CCDC40: variants seen among roughly 807,000 people sequenced by gnomAD.
The protein encoded by CCDC40 is coiled-coil domain-containing protein 40.
Under a neutral mutation model 124.5 loss-of-function variants are expected in CCDC40, and 104 were observed. The observed-to-expected ratio is 0.84, with a 90% confidence interval of 0.71 to 0.98. The LOEUF is 0.98. CCDC40 is among the 50% of genes least tolerant of loss of function. The probability of loss-of-function intolerance (pLI) is 0.00; values close to 1 mark genes in which losing one functional copy is unlikely to be tolerated. For synonymous variants in CCDC40, 580 were observed against 602.9 expected (o/e 0.96, Z 0.56); for missense variants, 1,463 against 1,503.9 (o/e 0.97, Z 0.45).
intron 19 of CCDC40, chr17:80,098,081 G>T (rs913028213): frequency 7.0e-5 from 11 of 158,062 alleles, no homozygotes; most frequent in African/African-American, 2.7e-4. Context: ...GGAAGGCCCT[G>T]CGGAGCAGAC....
At chr17:80,037,688 A>AAAAATATATATATAT in intron 1 of CCDC40, among the ~76,000 whole-genome samples, 2 of 45,678 alleles carry the variant, frequency 4.4e-5, no homozygotes, top group African/African-American at 1.2e-4. Context: ...TTTTTTAAAA[A>AAAAATATATATATAT]AGATATACAT....
chr17:80,041,053 A>C (rs80307488), intron 3 of CCDC40, among the ~76,000 whole-genome samples: 7,577 of 152,286 alleles, frequency 0.05, 607 homozygotes, highest in African/African-American at 0.17. Context: ...TTTTTTCATC[A>C]ATTTTCTTTA....
rs1379051584 is a variant in CCDC40 at position 80,087,795 on chromosome 17, A to T, written c.2619+19A>T. 6.2e-7 allele frequency: 1 copy of T among 1,612,814 alleles called. No homozygotes were observed. The highest frequency in any genetic ancestry group is 8.5e-7 in the Non-Finnish European group (1 of 1,179,106). Reference sequence around the variant, plus strand: ...GCTGAAGGTCCGGCCGTGTCCACGCAGTCCCGGGGCTCAGGACGATGGAGG... The same window carrying T: ...GCTGAAGGTCCGGCCGTGTCCACGCTGTCCCGGGGCTCAGGACGATGGAGG... On this transcript the variant is annotated intron_variant, in intron 15 of 19. Transcript: ENST00000397545. The surrounding 1 kb of genome is among the most constrained non-coding windows in gnomAD (Gnocchi z 4.5).
intron 1 of CCDC40, among the ~76,000 whole-genome samples, chr17:80,037,682 T>TA (rs1423212184): frequency 1.0e-4 from 10 of 96,170 alleles, no homozygotes; most frequent in South Asian, 3.4e-4. Flanking sequence ...CTTTAATTTT[T>TA]TAAAAAAGAT....
intron 18 of CCDC40, among the ~76,000 whole-genome samples, 155 bp downstream of exon 18, chr17:80,095,606 T>TGGGGTGAGGATGCA (rs1360312221): frequency 2.0e-5 from 3 of 150,678 alleles, no homozygotes; most frequent in African/African-American, 7.3e-5. Context: ...GTGCTGGGTC[T>TGGGGTGAGGATGCA]GGGGTGAGGA....
chr17:80,076,916 A>G (rs2038323941), intron 10 of CCDC40, among the ~76,000 whole-genome samples: 3 of 151,956 alleles, frequency 2.0e-5, no homozygotes, highest in South Asian at 4.2e-4. Context: ...TGGTATTTTT[A>G]GTAGAAATAG....
chr17:80,056,004 A>ATTTTTTTTTTT (rs1262463030), intron 7 of CCDC40, among the ~76,000 whole-genome samples: 3 of 8,378 alleles, frequency 3.6e-4, no homozygotes, highest in Non-Finnish European at 4.7e-4. Flanking sequence ...ATATATATAT[A>ATTTTTTTTTTT]TATATATATA....
chr17:80,096,104 C>T (rs1033190650), intron 18 of CCDC40, among the ~76,000 whole-genome samples: 3 of 152,248 alleles, frequency 2.0e-5, no homozygotes, highest in African/African-American at 7.2e-5. Flanking sequence ...GTATGTGGGC[C>T]TTGCCAGACC....
intron 16 of CCDC40, 149 bp downstream of exon 16, chr17:80,088,251 T>TG: frequency 1.4e-6 from 1 of 701,456 alleles, no homozygotes; most frequent in Non-Finnish European, 2.6e-6. Flanking sequence ...TTTTGTTTTT[T>TG]GTTTTGTTTT....
chr17:80,085,022 C>T (rs757076217), intron 13 of CCDC40, 34 bp downstream of exon 13: 1 of 1,610,238 alleles, frequency 6.2e-7, no homozygotes, highest in Admixed American at 1.7e-5. Flanking sequence ...TGGTCCCCGG[C>T]TGACTGTGGT....
intron 11 of CCDC40, 22 bp downstream of exon 11, chr17:80,081,811 A>G: frequency 6.2e-7 from 1 of 1,613,976 alleles, no homozygotes; most frequent in South Asian, 1.1e-5. Context: ...CCCGCCCCAC[A>G]GGTCACACCT....
chr17:80,076,168 G>A (rs963182191), intron 10 of CCDC40, among the ~76,000 whole-genome samples: 11 of 152,192 alleles, frequency 7.2e-5, no homozygotes, highest in East Asian at 1.9e-4. Context: ...AAGGTCTTGC[G>A]TGGGTAAAAT....
chr17:80,080,751 A>G (rs994796698), intron 10 of CCDC40, among the ~76,000 whole-genome samples: 1 of 152,184 alleles, frequency 6.6e-6, no homozygotes, highest in African/African-American at 2.4e-5. Flanking sequence ...TGGGCTTTCA[A>G]TAGATAATAG....
At chr17:80,082,111 T>C (rs2038466070) in intron 12 of CCDC40, 53 bp downstream of exon 12, 1 of 1,562,576 alleles carries the variant, frequency 6.4e-7, no homozygotes, top group Non-Finnish European at 8.8e-7. Flanking sequence ...AGCCTGGGCA[T>C]ATGAGGGCAA....
chr17:80,088,245 G>C lies in CCDC40; in HGVS notation c.2711+143G>C. ...TTTGGTCATTTTTTGTTGTTGTTTT[G>C]TTTTTTGTTTTGTTTTGTTTTGTTT... On this transcript the variant is annotated intron_variant, in intron 16 of 19. Transcript: ENST00000397545. 3 of 719,292 alleles carry C rather than the reference G, an allele frequency of 4.2e-6. No individual in the cohort carries two copies. The East Asian group carries it at 8.1e-5, about 19-fold the overall frequency. 44.6% of individuals were successfully genotyped at this position (719,292 alleles called of 1,614,324 possible).
Position 80,099,436 on chromosome 17 carries a change from G to A in CCDC40, c.3181-91G>A, listed in dbSNP as rs544894602. On this transcript the variant is annotated intron_variant, in intron 19 of 19. Coordinates refer to ENST00000397545, the MANE Select transcript of CCDC40 (RefSeq NM_017950.4). ...CAGGCGTAGGTCTCGCCTCCTCTTCGGCATTTCCTGGAATCTGAGTTTGTG... is the reference window on the plus strand; with the variant it reads ...CAGGCGTAGGTCTCGCCTCCTCTTCAGCATTTCCTGGAATCTGAGTTTGTG... The A allele has an allele frequency of 1.5e-5, 22 of 1,483,056 alleles. No homozygotes were observed. The East Asian group carries it at 3.4e-4, about 23-fold the overall frequency. 91.9% of individuals were successfully genotyped at this position (1,483,056 alleles called of 1,614,324 possible).
At chr17:80,073,576 C>A (rs1455287481) in intron 10 of CCDC40, among the ~76,000 whole-genome samples, 1 of 152,214 alleles carries the variant, frequency 6.6e-6, no homozygotes, top group Non-Finnish European at 1.5e-5. Context: ...GGCTGGCGTT[C>A]TTCCATTTCT....
chr17:80,039,837 G>T lies in CCDC40; in HGVS notation c.119G>T (p.Gly40Val). ...HMVSPPEKDD[G>V]QKGEEAVGST... ...GTGTCACCACCAGAGAAGGATGATG[G>T]CCAGAAAGGTGAAGAAGCTGTCGGT... The change falls in exon 3 of 20, where the codon GGC becomes GTC. Residue 40 changes from glycine (G) to valine (V), a missense_variant. By Grantham distance (109) the Gly-to-Val change is moderately radical. Transcript: ENST00000397545. 6.2e-7 allele frequency: 1 copy of T among 1,613,838 alleles called. No individual in the cohort carries two copies. The highest frequency in any genetic ancestry group is 1.3e-5 in the African/African-American group (1 of 74,960).
chr17:80,056,016 A>ATATATATATTTTTTT (rs71163913), intron 7 of CCDC40, among the ~76,000 whole-genome samples: 1 of 10,258 alleles, frequency 9.7e-5, no homozygotes, highest in African/African-American at 3.5e-4. Context: ...ATATATATAT[A>ATATATATATTTTTTT]TTTTTTTTTT....
Sources: gnomAD v4.1 joint callset for allele counts (sites outside exome capture counted in the v4.1 genomes callset) on GRCh38, gnomAD v4.1.1 for gene constraint, Gnocchi (gnomAD v3.1) non-coding constraint, MANE v1.5 for transcripts, NCBI Gene and HGNC (gene_info 2026-07-23, HGNC 2026-07-21) for gene names.